The following PIEZO2 variants were observed in gnomAD, a reference collection of about 807,000 sequenced individuals.
The protein encoded by PIEZO2 is piezo-type mechanosensitive ion channel component 2.
A neutral mutation model predicts 337.3 loss-of-function variants in PIEZO2; 172 were observed. The ratio of observed to expected loss-of-function variants is 0.51; its 90% CI spans 0.45 to 0.58. The LOEUF (loss-of-function observed/expected upper bound fraction) is 0.58. PIEZO2 is among the 20% of genes least tolerant of loss of function. PIEZO2 has a pLI of 0.00. For missense variants in PIEZO2, 3,028 were observed against 3,391.3 expected, an observed-to-expected ratio of 0.89 and a Z score of 2.66; for synonymous variants, 1,251 against 1,228.5, an observed-to-expected ratio of 1.02 and a Z score of -0.38.
At chr18:11,122,752 C>T (rs2040063859) in intron 1 of PIEZO2, among the ~76,000 whole-genome samples, 1 of 152,130 alleles carries the variant, frequency 6.6e-6, no homozygotes, top group Admixed American at 6.5e-5. Flanking sequence ...AAATTGTCTT[C>T]ATCCAGATGC....
chr18:10,925,195 A>G (rs2145157415), intron 3 of PIEZO2, among the ~76,000 whole-genome samples: 1 of 152,368 alleles, frequency 6.6e-6, no homozygotes, highest in Admixed American at 6.5e-5. Context: ...CATGTGTCAC[A>G]CATTTCAAGA....
intron 2 of PIEZO2, among the ~76,000 whole-genome samples, chr18:10,984,267 T>C (rs1004485167): frequency 6.6e-6 from 1 of 151,996 alleles, no homozygotes; most frequent in East Asian, 1.9e-4. Context: ...ACTTACAAAT[T>C]AGCTGACAAA....
At chr18:10,790,744 C>A (rs904880736) in intron 14 of PIEZO2, among the ~76,000 whole-genome samples, 1 of 144,460 alleles carries the variant, frequency 6.9e-6, no homozygotes, top group Non-Finnish European at 1.5e-5. Flanking sequence ...CTCGCTCTGT[C>A]GCCCAGGCTG....
In PIEZO2 at chr18:11,105,447, C is replaced by T. The variant is rs1440180096; in HGVS notation, c.65-39225G>A. Among the ~76,000 whole-genome samples the T allele has an allele frequency of 1.3e-5, 2 of 152,164 alleles. No individual in the cohort carries two copies. Among genetic ancestry groups the T allele is most frequent in the African/African-American group, 4.8e-5 (2 of 41,430 alleles). ...CATTCCAGCACCTCACATCTTCATC[C>T]TCACGACACACTTCCACACTTCAAA... is the stretch of plus-strand genomic sequence containing the variant. On this transcript the variant is annotated intron_variant, in intron 1 of 55. Coordinates refer to ENST00000674853, the MANE Select transcript of PIEZO2 (RefSeq NM_001378183.1). This position sits in a 1 kb window ranked among gnomAD's most constrained non-coding sequence, Gnocchi z 4.3.
At chr18:10,822,583 C>G (rs1452240236) in intron 7 of PIEZO2, among the ~76,000 whole-genome samples, 4 of 152,178 alleles carry the variant, frequency 2.6e-5, no homozygotes, top group Non-Finnish European at 5.9e-5. Flanking sequence ...ATGGAGGGAA[C>G]CAGGCCAGTG....
chr18:11,016,927 T>G lies in PIEZO2; in HGVS notation c.161-37267A>C, dbSNP rs2036135642. ...GTCCTGCTGATGTTTAAACATGGAGTTGGGAGAGACACTGACAAGCTGAGG... is the reference window on the plus strand; with the variant it reads ...GTCCTGCTGATGTTTAAACATGGAGGTGGGAGAGACACTGACAAGCTGAGG... On this transcript the variant is annotated intron_variant, in intron 2 of 55. Coordinates refer to ENST00000674853, the MANE Select transcript of PIEZO2 (RefSeq NM_001378183.1). This position sits in a 1 kb window ranked among gnomAD's most constrained non-coding sequence, Gnocchi z 5.6. Among the ~76,000 whole-genome samples, 1 of 152,100 alleles carries G rather than the reference T, an allele frequency of 6.6e-6. No homozygotes were observed. The highest frequency in any genetic ancestry group is 1.5e-5 in the Non-Finnish European group (1 of 68,028).
At chr18:10,698,014 G>GATGCATTTGTGAA in intron 44 of PIEZO2, 134 bp from the exon 45 acceptor site, 59 of 923,258 alleles carry the variant, frequency 6.4e-5, no homozygotes, top group Non-Finnish European at 8.3e-5. Flanking sequence ...AGTATGCACG[G>GATGCATTTGTGAA]CCTTGGGATT....
At chr18:10,684,205 G>C (rs192437620) in intron 49 of PIEZO2, among the ~76,000 whole-genome samples, 12 of 114,748 alleles carry the variant, frequency 1.0e-4, no homozygotes, top group Admixed American at 1.1e-4. Flanking sequence ...TTGCTCTGTC[G>C]CCCAGGCTGG....
chr18:11,089,900 C>T (rs1431146156), intron 1 of PIEZO2, among the ~76,000 whole-genome samples: 1 of 152,302 alleles, frequency 6.6e-6, no homozygotes, highest in East Asian at 1.9e-4. Flanking sequence ...CAGGCCATTT[C>T]GAGGCCTATG....
chr18:11,139,993 A>G (rs1251096460), intron 1 of PIEZO2, among the ~76,000 whole-genome samples: 1 of 152,128 alleles, frequency 6.6e-6, no homozygotes, highest in Non-Finnish European at 1.5e-5. Flanking sequence ...GCTGTTCTCC[A>G]TGATGGCAAT....
chr18:11,047,632 G>A lies in PIEZO2; in HGVS notation c.160+18495C>T, dbSNP rs1321413847. Among the ~76,000 whole-genome samples, 1 of 152,166 alleles carries A rather than the reference G, an allele frequency of 6.6e-6. No homozygotes were observed. The highest frequency in any genetic ancestry group is 1.9e-4 in the East Asian group (1 of 5,184). On this transcript the variant is annotated intron_variant, in intron 2 of 55. Transcript: ENST00000674853. The surrounding 1 kb of genome is among the most constrained non-coding windows in gnomAD (Gnocchi z 7.2). Reference sequence around the variant, plus strand: ...AGACACCAACACTCCAGGCAATAGGGAGAATCGAAGTCTTGGTCCTAAGGA... The same window carrying A: ...AGACACCAACACTCCAGGCAATAGGAAGAATCGAAGTCTTGGTCCTAAGGA...
chr18:10,856,869 C>T lies in PIEZO2; in HGVS notation c.703+132G>A. On this transcript the variant is annotated intron_variant, in intron 6 of 55. Coordinates refer to ENST00000674853, the MANE Select transcript of PIEZO2 (RefSeq NM_001378183.1). The surrounding 1 kb of genome is among the most constrained non-coding windows in gnomAD (Gnocchi z 4.7). ...TGGTTTGTACATGTGGCCAGTTTTACAAGAGCTACAGTTATGATATTCATG... is the reference window on the plus strand; with the variant it reads ...TGGTTTGTACATGTGGCCAGTTTTATAAGAGCTACAGTTATGATATTCATG... The T allele has an allele frequency of 1.2e-6, 1 of 856,744 alleles. No individual in the cohort carries two copies. 53.1% of individuals were successfully genotyped at this position (856,744 alleles called of 1,614,324 possible).
intron 4 of PIEZO2, among the ~76,000 whole-genome samples, chr18:10,884,483 C>T (rs890319521): frequency 1.3e-5 from 2 of 152,082 alleles, no homozygotes; most frequent in Admixed American, 6.5e-5. Context: ...GGGAAAATTC[C>T]ACCATAACAG....
rs555869625 is a variant in PIEZO2 at position 10,702,828 on chromosome 18, A to G, written c.6259-657T>C. Among the ~76,000 whole-genome samples, 161 of 152,314 alleles carry G rather than the reference A, an allele frequency of 1.1e-3. 1 individual carries two copies. Among genetic ancestry groups the G allele is most frequent in the African/African-American group, 3.5e-3 (146 of 41,574 alleles). ...TCAGTGCAATGTGACAAGAAAAGGGAGAGCCTCAACTTAACTTATATAGAA... is the reference window on the plus strand; with the variant it reads ...TCAGTGCAATGTGACAAGAAAAGGGGGAGCCTCAACTTAACTTATATAGAA... On this transcript the variant is annotated intron_variant, in intron 42 of 55. Transcript: ENST00000674853.
rs536813126 is a variant in PIEZO2, at chr18:10,750,025, A to G, written c.4264+66T>C. The G allele has an allele frequency of 7.9e-7, 1 of 1,267,684 alleles. No individual in the cohort carries two copies. The highest frequency in any genetic ancestry group is 1.1e-6 in the Non-Finnish European group (1 of 902,524). 78.5% of individuals were successfully genotyped at this position (1,267,684 alleles called of 1,614,324 possible). On this transcript the variant is annotated intron_variant, in intron 29 of 55. Coordinates refer to ENST00000674853, the MANE Select transcript of PIEZO2 (RefSeq NM_001378183.1). This position sits in a 1 kb window ranked among gnomAD's most constrained non-coding sequence, Gnocchi z 4.1. ...TTATGTGCTTTGGCCCACTTTTAAAACTAGAACAATACAACTATCCTCCCT... is the reference window on the plus strand; with the variant it reads ...TTATGTGCTTTGGCCCACTTTTAAAGCTAGAACAATACAACTATCCTCCCT...
At chr18:11,093,849 C>T (rs1015127054) in intron 1 of PIEZO2, among the ~76,000 whole-genome samples, 1 of 152,218 alleles carries the variant, frequency 6.6e-6, no homozygotes, top group African/African-American at 2.4e-5. Flanking sequence ...TTCATCCCCT[C>T]AGGACCTATG....
At chr18:11,043,285 T>C (rs1287926931) in intron 2 of PIEZO2, among the ~76,000 whole-genome samples, 4 of 152,050 alleles carry the variant, frequency 2.6e-5, no homozygotes, top group Middle Eastern at 3.2e-3. Flanking sequence ...ACAGAACATA[T>C]ATGTATGATT....
In PIEZO2 at chr18:11,048,356, C is replaced by A. The variant is rs1568327530; in HGVS notation, c.160+17771G>T. Among the ~76,000 whole-genome samples the A allele has an allele frequency of 6.6e-6, 1 of 152,186 alleles. No homozygotes were observed. The highest frequency in any genetic ancestry group is 1.5e-5 in the Non-Finnish European group (1 of 68,040). ...CATGGCTCTGGGGCCAAGCGGACTG[C>A]CTGGCCCATTTCAGACACTCAGTAA... On this transcript the variant is annotated intron_variant, in intron 2 of 55. Coordinates refer to ENST00000674853, the MANE Select transcript of PIEZO2 (RefSeq NM_001378183.1). The surrounding 1 kb of genome is among the most constrained non-coding windows in gnomAD (Gnocchi z 4.5).
intron 7 of PIEZO2, among the ~76,000 whole-genome samples, chr18:10,839,838 G>A (rs1184615463): frequency 6.6e-6 from 1 of 152,176 alleles, no homozygotes; most frequent in African/African-American, 2.4e-5. Context: ...GAGGTGTGCT[G>A]TAACGGGGAA....
Sources: gnomAD v4.1 joint callset for allele counts (sites outside exome capture counted in the v4.1 genomes callset) on GRCh38, gnomAD v4.1.1 for gene constraint, Gnocchi (gnomAD v3.1) non-coding constraint, MANE v1.5 for transcripts, NCBI Gene and HGNC (gene_info 2026-07-23, HGNC 2026-07-21) for gene names.